Variants in EFHC2 observed in about 807,000 individuals in gnomAD.
EFHC2 encodes the protein EF-hand domain containing 2.
A neutral mutation model predicts 52.7 loss-of-function variants in EFHC2; 18 were observed. That is an observed-to-expected ratio of 0.34 (90% CI 0.24 to 0.51). EFHC2 has a LOEUF of 0.51. Among genes scored for constraint, EFHC2 ranks in the 20% least tolerant of loss-of-function variants. The pLI is 0.97. For missense variants in EFHC2, 513 were observed against 562.5 expected (o/e 0.91, Z 0.89); for synonymous variants, 203 against 204.1 (o/e 0.99, Z 0.04).
At chrX:44,219,250 G>A (rs2037176528) in intron 11 of EFHC2, among the ~76,000 whole-genome samples, 1 of 110,044 alleles carries the variant, frequency 9.1e-6, no homozygotes, top group Non-Finnish European at 1.9e-5. Context: ...GGAGCATGAG[G>A]GAACTTTCTG....
In EFHC2 at chrX:44,235,006, T is replaced by C. The variant is rs932074111; in HGVS notation, c.1423+299A>G. ...TACTCAGACCATGATTTTGAAGCCCTTGGGTTCCACAGAGGTACCTCAGAG... is the reference window on the plus strand; with the variant it reads ...TACTCAGACCATGATTTTGAAGCCCCTGGGTTCCACAGAGGTACCTCAGAG... On this transcript the variant is annotated intron_variant, in intron 9 of 14. Coordinates refer to ENST00000420999, the MANE Select transcript of EFHC2 (RefSeq NM_025184.4). 5.4e-5 allele frequency among the ~76,000 whole-genome samples: 6 copies of C among 111,551 alleles called. No homozygotes were observed. The East Asian group carries it at 1.7e-3, about 32-fold the overall frequency.
intron 3 of EFHC2, among the ~76,000 whole-genome samples, chrX:44,262,392 T>TCC (rs1024063654): frequency 2.9e-5 from 3 of 104,783 alleles, no homozygotes; most frequent in African/African-American, 7.0e-5. Flanking sequence ...CCACATGTGG[T>TCC]CCCATCTACT....
At chrX:44,270,694 T>C (rs192759464) in intron 3 of EFHC2, among the ~76,000 whole-genome samples, 143 of 111,354 alleles carry the variant, frequency 1.3e-3, no homozygotes, top group Non-Finnish European at 6.0e-4. Flanking sequence ...TTATGAGGCC[T>C]CAATTTGGCC....
intron 7 of EFHC2, among the ~76,000 whole-genome samples, chrX:44,246,145 G>C (rs1252947102): frequency 4.5e-5 from 5 of 112,130 alleles, no homozygotes; most frequent in Non-Finnish European, 7.5e-5. Flanking sequence ...AAATTGCTGA[G>C]ACCAGATGAA....
chrX:44,328,091 A>C (rs1239480882), intron 1 of EFHC2, among the ~76,000 whole-genome samples: 1 of 104,956 alleles, frequency 9.5e-6, no homozygotes, highest in African/African-American at 4.2e-5. Context: ...TACCCAAAGT[A>C]AGTTGAAACC....
chrX:44,238,914 G>A (rs1169840686), intron 8 of EFHC2, among the ~76,000 whole-genome samples: 2 of 111,330 alleles, frequency 1.8e-5, no homozygotes, highest in Admixed American at 9.5e-5. Context: ...TAAGTTCCAC[G>A]ATGGCAGGCC....
intron 2 of EFHC2, among the ~76,000 whole-genome samples, chrX:44,308,391 TA>T (rs1318715710): frequency 2.1e-5 from 2 of 96,883 alleles, no homozygotes; most frequent in Non-Finnish European, 4.3e-5. Context: ...AAGACCTCAA[TA>T]AAAAGAGACA....
chrX:44,177,261 A>G (rs1450856321), intron 12 of EFHC2, among the ~76,000 whole-genome samples: 1 of 112,257 alleles, frequency 8.9e-6, no homozygotes, highest in Non-Finnish European at 1.9e-5. Flanking sequence ...GAGTCAAGGA[A>G]AAATACCATC....
At chrX:44,284,886 T>C (rs1265301962) in intron 2 of EFHC2, 1 of 112,086 alleles carries the variant, frequency 8.9e-6, no homozygotes, top group African/African-American at 3.2e-5. Flanking sequence ...AAAGAAAAGA[T>C]GGCAATTGAG....
chrX:44,237,544 T>C lies in EFHC2; in HGVS notation c.1281-2097A>G, dbSNP rs186944997. ...TTTCTACATACAGCCCAGAGTTATC[T>C]AAAATCATTACCTCAAATTCTTCTC... On this transcript the variant is annotated intron_variant, in intron 8 of 14. Transcript: ENST00000420999. Among the ~76,000 whole-genome samples, 333 of 111,941 alleles carry C rather than the reference T, an allele frequency of 3.0e-3. 2 individuals carry two copies. The highest frequency in any genetic ancestry group is 6.3e-3 in the South Asian group (17 of 2,683).
At chrX:44,310,570 C>A in intron 2 of EFHC2, 1 of 333,452 alleles carries the variant, frequency 3.0e-6, no homozygotes, top group South Asian at 5.3e-5. Flanking sequence ...AAATGATTAA[C>A]AAGTGTTGAC....
At chrX:44,250,756 T>C (rs1408412983) in intron 4 of EFHC2, among the ~76,000 whole-genome samples, 1 of 94,298 alleles carries the variant, frequency 1.1e-5, no homozygotes, top group Non-Finnish European at 2.0e-5. Context: ...CCCCAGGAGG[T>C]CAAGGCTGCA....
In EFHC2 at chrX:44,254,728, A is replaced by G. The variant is rs373513150; in HGVS notation, c.607-4283T>C. 2.7e-5 allele frequency among the ~76,000 whole-genome samples: 3 copies of G among 112,185 alleles called. No homozygotes were observed. In the South Asian group the frequency reaches 1.1e-3, roughly 42 times the overall value. On this transcript the variant is annotated intron_variant, in intron 4 of 14. Coordinates refer to ENST00000420999, the MANE Select transcript of EFHC2 (RefSeq NM_025184.4). ...CATATTATCCAGGAGAACTTCCCCAACCTAGCAAGACAGGCCAACATTCAA... is the reference window on the plus strand; with the variant it reads ...CATATTATCCAGGAGAACTTCCCCAGCCTAGCAAGACAGGCCAACATTCAA...
intron 6 of EFHC2, 61 bp from the exon 7 acceptor site, chrX:44,248,471 C>A: frequency 9.2e-7 from 1 of 1,090,673 alleles, no homozygotes; most frequent in East Asian, 3.2e-5. Flanking sequence ...CCAGGAACCC[C>A]TTCCCAGAGA....
intron 4 of EFHC2, among the ~76,000 whole-genome samples, chrX:44,251,463 C>T (rs1359384520): frequency 1.0e-5 from 1 of 98,732 alleles, no homozygotes; most frequent in Non-Finnish European, 2.0e-5. Flanking sequence ...TAGCCAGGTC[C>T]GGTGGCAGGT....
intron 1 of EFHC2, among the ~76,000 whole-genome samples, chrX:44,322,260 G>C (rs1316496476): frequency 8.9e-6 from 1 of 111,892 alleles, no homozygotes; most frequent in Non-Finnish European, 1.9e-5. Context: ...TTATACTATA[G>C]TTTCCTGTTT....
intron 11 of EFHC2, among the ~76,000 whole-genome samples, chrX:44,188,696 A>G (rs1182290123): frequency 8.9e-6 from 1 of 111,745 alleles, no homozygotes; most frequent in African/African-American, 3.3e-5. Context: ...GGAAAGCTTC[A>G]CAGCAGAGGT....
At chrX:44,337,872 C>T (rs986210179) in intron 1 of EFHC2, among the ~76,000 whole-genome samples, 4 of 111,912 alleles carry the variant, frequency 3.6e-5, no homozygotes, top group Admixed American at 2.9e-4. Flanking sequence ...AGTGGTATCT[C>T]ATCTTGATTT....
chrX:44,341,276 G>T (rs751309443), intron 1 of EFHC2, among the ~76,000 whole-genome samples: 1 of 111,949 alleles, frequency 8.9e-6, no homozygotes, highest in Non-Finnish European at 1.9e-5. Context: ...TGAACAGAAA[G>T]GTTCATAGGT....
Sources: allele counts gnomAD v4.1 joint callset (sites outside exome capture counted in the v4.1 genomes callset), GRCh38; gene constraint gnomAD v4.1.1; transcripts MANE v1.5; gene names NCBI Gene and HGNC (gene_info 2026-07-23, HGNC 2026-07-21).